NFXL1: variants seen among roughly 807,000 people sequenced by gnomAD.
The protein encoded by NFXL1 is NF-X1-type zinc finger protein NFXL1.
NFXL1 carries 66 observed loss-of-function variants against 123.3 expected under a neutral mutation model. That is an observed-to-expected ratio of 0.54 (90% CI 0.44 to 0.66). The LOEUF (loss-of-function observed/expected upper bound fraction) is 0.66, where lower values mean the gene tolerates loss of function less well. Ranked by LOEUF, NFXL1 falls within the 30% of genes least tolerant of loss-of-function variation. The pLI is 0.00. For synonymous variants in NFXL1, 346 were observed against 360.8 expected, an observed-to-expected ratio of 0.96 and a Z score of 0.46; for missense variants, 944 against 1,125.6, an observed-to-expected ratio of 0.84 and a Z score of 2.31.
At position 47,899,058 on chromosome 4, in the gene NFXL1, T is replaced by G; in HGVS notation, c.889A>C (p.Ile297Leu). 2 of 1,611,396 alleles carry G rather than the reference T, an allele frequency of 1.2e-6. No homozygotes were observed. Among genetic ancestry groups the G allele is most frequent in the South Asian group, 2.2e-5 (2 of 91,004 alleles). The change falls in exon 7 of 23, where the codon ATC (isoleucine) becomes CTC (leucine). Residue 297 changes from isoleucine (I) to leucine (L), a missense_variant. Ile to Leu is a conservative substitution (Grantham distance 5). Transcript: ENST00000507489. ...TCCTTGGCACTGCACCTACGAGGGA[T>G]AGGTTTTGCTTTCTTACAGTAACAA... ...TTCYCKKAKP[I>L]PRRCSAKEWS...
intron 22 of NFXL1, 33 bp downstream of exon 22, chr4:47,851,062 A>C: frequency 6.5e-7 from 1 of 1,526,860 alleles, no homozygotes; most frequent in Non-Finnish European, 9.1e-7. Flanking sequence ...AATGATGCTA[A>C]GAGACATAAA....
rs764560351 is a variant in NFXL1 at position 47,884,374 on chromosome 4, A to T, written c.1888T>A (p.Cys630Ser). ...EPAFIQTALPCPPCQVPIPME... is the reference protein window; with the variant it reads ...EPAFIQTALPSPPCQVPIPME... ...GGAATAGGAACTTGACATGGAGGAC[A>T]CGGTAATGCAGTCTGAATAAATGCT... The change falls in exon 15 of 23, where the codon TGT (cysteine) becomes AGT (serine). Residue 630 changes from cysteine (C) to serine (S), a missense_variant. Physicochemically the swap from Cys to Ser is moderately radical, Grantham distance 112. Coordinates refer to ENST00000507489, the MANE Select transcript of NFXL1 (RefSeq NM_001278624.2). 1.9e-5 allele frequency: 30 copies of T among 1,606,638 alleles called. No homozygotes were observed. Among genetic ancestry groups the T allele is most frequent in the Non-Finnish European group, 2.6e-5 (30 of 1,174,330 alleles).
At chr4:47,878,430 G>A in intron 17 of NFXL1, 95 bp downstream of exon 17, 1 of 969,310 alleles carries the variant, frequency 1.0e-6, no homozygotes, top group Non-Finnish European at 1.5e-6. Context: ...GAGACAGGAA[G>A]CTAAAGCAAA....
chr4:47,891,518 ACTTC>A (rs1193454121), intron 11 of NFXL1, among the ~76,000 whole-genome samples: 1 of 152,048 alleles, frequency 6.6e-6, no homozygotes, highest in African/African-American at 2.4e-5. Context: ...TTTCACAGAC[ACTTC>A]CGTGTCTGTG....
At chr4:47,873,337 G>A (rs192713289) in intron 18 of NFXL1, among the ~76,000 whole-genome samples, 1 of 152,152 alleles carries the variant, frequency 6.6e-6, no homozygotes, top group East Asian at 1.9e-4. Context: ...TTTCCAGAAC[G>A]TTTTCAATTT....
chr4:47,875,402 G>A, intron 17 of NFXL1, 109 bp from the exon 18 acceptor site: 1 of 723,278 alleles, frequency 1.4e-6, no homozygotes, highest in Non-Finnish European at 2.2e-6. Flanking sequence ...TACTTCTGCA[G>A]TTCTTAGAAA....
chr4:47,878,742 TCTG>T, intron 16 of NFXL1, 77 bp from the exon 17 acceptor site: 1 of 1,056,098 alleles, frequency 9.5e-7, no homozygotes, highest in Non-Finnish European at 1.3e-6. Flanking sequence ...CCAAAATTAC[TCTG>T]CTATCATTTG....
At chr4:47,895,182 C>G (rs34382907) in intron 10 of NFXL1, among the ~76,000 whole-genome samples, 1 of 152,060 alleles carries the variant, frequency 6.6e-6, no homozygotes, top group Non-Finnish European at 1.5e-5. Flanking sequence ...GTGCTGTCAT[C>G]TAGGCTTTGT....
chr4:47,899,123 A>G lies in NFXL1; in HGVS notation c.827-3T>C. On this transcript the variant is annotated splice_polypyrimidine_tract_variant and splice_region_variant and intron_variant, in intron 6 of 22. Transcript: ENST00000507489. ...CTTTGGACAAGGAGGGCAGGGACCT[A>G]GAATTCAGTAAAAGCAAAAAAAAAA... is the stretch of plus-strand genomic sequence containing the variant. 7.0e-7 allele frequency: 1 copy of G among 1,431,730 alleles called. No homozygotes were observed. Among genetic ancestry groups the G allele is most frequent in the Non-Finnish European group, 9.5e-7 (1 of 1,056,400 alleles). The allele number at this position is 1,431,730 out of a possible 1,614,324, so 88.7% of individuals were successfully genotyped here.
chr4:47,863,618 G>A (rs776342074), intron 18 of NFXL1, among the ~76,000 whole-genome samples: 3 of 152,168 alleles, frequency 2.0e-5, no homozygotes, highest in Non-Finnish European at 4.4e-5. Context: ...GGAGGCGGAG[G>A]TTGCAGTGAG....
chr4:47,909,309 T>C (rs1737717790), intron 3 of NFXL1, among the ~76,000 whole-genome samples: 1 of 152,198 alleles, frequency 6.6e-6, no homozygotes, highest in Admixed American at 6.5e-5. Flanking sequence ...TGCTGCTTTT[T>C]CCCCATAAAC....
intron 18 of NFXL1, 83 bp from the exon 19 acceptor site, chr4:47,862,998 C>T: frequency 1.4e-6 from 1 of 736,002 alleles, no homozygotes. Context: ...TAATTTCAAA[C>T]ATATCCATAA....
chr4:47,892,039 T>C (rs1052010897), intron 11 of NFXL1, among the ~76,000 whole-genome samples: 3 of 152,226 alleles, frequency 2.0e-5, no homozygotes, highest in Non-Finnish European at 2.9e-5. Flanking sequence ...GAAAAGATTA[T>C]GTGGTCCATG....
intron 3 of NFXL1, among the ~76,000 whole-genome samples, chr4:47,906,896 A>G (rs1737588175): frequency 2.0e-5 from 3 of 152,220 alleles, no homozygotes; most frequent in Admixed American, 1.3e-4. Context: ...TCTGGCAACT[A>G]AAGAAAAATG....
chr4:47,902,817 C>A (rs1360312202), intron 5 of NFXL1, among the ~76,000 whole-genome samples: 1 of 152,102 alleles, frequency 6.6e-6, no homozygotes, highest in Non-Finnish European at 1.5e-5. Flanking sequence ...TTGAAACCAC[C>A]AATAAAGCAA....
intron 11 of NFXL1, among the ~76,000 whole-genome samples, chr4:47,891,107 T>C (rs1056973705): frequency 1.5e-5 from 2 of 131,252 alleles, no homozygotes; most frequent in African/African-American, 2.5e-5. Context: ...TTTCTTTTTC[T>C]TTTTTTCTTT....
rs574444228 is a variant in NFXL1 at position 47,913,011 on chromosome 4, CA to C, written c.235+957del. Among the ~76,000 whole-genome samples, 535 of 74,234 alleles carry C rather than the reference CA, an allele frequency of 7.2e-3. 3 individuals carry two copies. Among genetic ancestry groups the C allele is most frequent in the South Asian group, 0.011 (21 of 1,852 alleles). The allele number at this position is 74,234 out of a possible 152,430, so 48.7% of individuals were successfully genotyped here. On this transcript the variant is annotated intron_variant, in intron 2 of 22. Coordinates refer to ENST00000507489, the MANE Select transcript of NFXL1 (RefSeq NM_001278624.2). ...CTGGGCGACCAGCGAGACTCTGTCT[CA>C]AAAAAAAAAAAAAAAAAAAAAAGTT...
Position 47,884,450 on chromosome 4 carries a change from T to C in NFXL1, c.1825-13A>G, listed in dbSNP as rs769406845. 2 of 1,532,268 alleles carry C rather than the reference T, an allele frequency of 1.3e-6. No homozygotes were observed. Among genetic ancestry groups the C allele is most frequent in the South Asian group, 2.3e-5 (2 of 85,740 alleles). The allele number at this position is 1,532,268 out of a possible 1,614,324, so 94.9% of individuals were successfully genotyped here. ...CTGTAGGCTGGTGCTACAAATAAAATACATAAGAATTTTAAGTCAGAGGGA... is the reference window on the plus strand; with the variant it reads ...CTGTAGGCTGGTGCTACAAATAAAACACATAAGAATTTTAAGTCAGAGGGA... On this transcript the variant is annotated splice_polypyrimidine_tract_variant and intron_variant, in intron 14 of 22. Coordinates refer to ENST00000507489, the MANE Select transcript of NFXL1 (RefSeq NM_001278624.2).
chr4:47,914,603 G>C (rs1420120214), upstream of NFXL1: 1 of 172,520 alleles, frequency 5.8e-6, no homozygotes, highest in African/African-American at 2.4e-5. Context: ...GGAAAGCTAC[G>C]TCTCCTTACC....
Sources: allele counts gnomAD v4.1 joint callset (sites outside exome capture counted in the v4.1 genomes callset), GRCh38; gene constraint gnomAD v4.1.1; transcripts MANE v1.5; gene names NCBI Gene and HGNC (gene_info 2026-07-23, HGNC 2026-07-21).